Variants in SLC35F3 observed in about 807,000 individuals in gnomAD.
The protein encoded by SLC35F3 is solute carrier family 35 member F3.
In SLC35F3, 25 loss-of-function variants were observed where a neutral mutation model predicts 49.9. That is an observed-to-expected ratio of 0.50 (90% CI 0.37 to 0.70). SLC35F3 has a LOEUF of 0.70. Among genes scored for constraint, SLC35F3 ranks in the 30% least tolerant of loss-of-function variants. The probability of loss-of-function intolerance (pLI) is 0.00; values close to 1 mark genes in which losing one functional copy is unlikely to be tolerated. For missense variants in SLC35F3, 525 were observed against 639.8 expected (o/e 0.82, Z 1.94); for synonymous variants, 275 against 265.4 (o/e 1.04, Z -0.35).
chr1:234,098,754 T>C (rs1382536573), intron 2 of SLC35F3, among the ~76,000 whole-genome samples: 1 of 149,414 alleles, frequency 6.7e-6, no homozygotes, highest in Non-Finnish European at 1.5e-5. Flanking sequence ...AGGGTGATGG[T>C]GGTGACTGTG....
At chr1:234,049,805 G>A (rs1199844265) in intron 2 of SLC35F3, among the ~76,000 whole-genome samples, 2 of 151,876 alleles carry the variant, frequency 1.3e-5, no homozygotes, top group Non-Finnish European at 2.9e-5. Flanking sequence ...ACCCCACGAC[G>A]GGCCCCGGTG....
chr1:233,976,767 C>T (rs1008791152), intron 2 of SLC35F3, among the ~76,000 whole-genome samples: 11 of 151,738 alleles, frequency 7.2e-5, no homozygotes, highest in African/African-American at 9.7e-5. Flanking sequence ...TCTGCCACCA[C>T]GCCCAGCTAA....
intron 2 of SLC35F3, among the ~76,000 whole-genome samples, chr1:234,172,632 C>T (rs1177993462): frequency 1.3e-5 from 2 of 152,214 alleles, no homozygotes; most frequent in African/African-American, 2.4e-5. Context: ...ATAGCGAGCA[C>T]TCACAAACCT....
chr1:233,994,668 G>T (rs1449317420), intron 2 of SLC35F3, among the ~76,000 whole-genome samples: 1 of 152,150 alleles, frequency 6.6e-6, no homozygotes, highest in Non-Finnish European at 1.5e-5. Flanking sequence ...TACATCTAGA[G>T]AGGTTTCCTG....
At chr1:233,915,065 TCAAA>T (rs1441723565) in intron 2 of SLC35F3, among the ~76,000 whole-genome samples, 1 of 152,228 alleles carries the variant, frequency 6.6e-6, no homozygotes, top group Non-Finnish European at 1.5e-5. Flanking sequence ...TTTGAACTCC[TCAAA>T]CAGAGATATT....
intron 2 of SLC35F3, among the ~76,000 whole-genome samples, chr1:234,003,458 G>A (rs1401799523): frequency 6.6e-6 from 1 of 152,064 alleles, no homozygotes; most frequent in Non-Finnish European, 1.5e-5. Context: ...TGCCCCATGG[G>A]TGAGCCATAC....
intron 2 of SLC35F3, among the ~76,000 whole-genome samples, chr1:234,012,090 G>A (rs752195448): frequency 6.6e-5 from 10 of 152,204 alleles, no homozygotes; most frequent in Non-Finnish European, 1.3e-4. Context: ...AAAAGAATCT[G>A]TGTCATAATT....
At chr1:233,987,090 C>T (rs933013921) in intron 2 of SLC35F3, among the ~76,000 whole-genome samples, 1 of 152,006 alleles carries the variant, frequency 6.6e-6, no homozygotes, top group African/African-American at 2.4e-5. Context: ...AGTTTGAGAC[C>T]AGCCTGGCCA....
intron 2 of SLC35F3, among the ~76,000 whole-genome samples, chr1:234,230,966 C>T (rs904789994): frequency 2.0e-5 from 3 of 152,184 alleles, no homozygotes; most frequent in Non-Finnish European, 4.4e-5. Flanking sequence ...TCTCCAGCCC[C>T]CAGTACTGCC....
rs185723760 is a variant in SLC35F3 at position 234,009,842 on chromosome 1, G to A, written c.283+104084G>A. 4.3e-3 allele frequency among the ~76,000 whole-genome samples: 658 copies of A among 152,256 alleles called. 5 individuals are homozygous for A. Among genetic ancestry groups the A allele is most frequent in the African/African-American group, 0.015 (643 of 41,550 alleles). On this transcript the variant is annotated intron_variant, in intron 2 of 7. Transcript: ENST00000366618. ...CCTTCTGGCCAAGAGAGAGTGGGAT[G>A]TTATACTCAAAGTGCTGAGGGAATA...
intron 2 of SLC35F3, among the ~76,000 whole-genome samples, chr1:234,107,504 G>T (rs1452511647): frequency 1.3e-5 from 2 of 152,192 alleles, no homozygotes; most frequent in African/African-American, 4.8e-5. Context: ...ATTGGCACCA[G>T]TAATTTAATC....
At chr1:234,021,438 A>G (rs1663894609) in intron 2 of SLC35F3, among the ~76,000 whole-genome samples, 1 of 152,212 alleles carries the variant, frequency 6.6e-6, no homozygotes, top group Admixed American at 6.5e-5. Context: ...AGTTTTCCCA[A>G]TGGCCCTACC....
chr1:234,122,842 C>A (rs925160426), intron 2 of SLC35F3, among the ~76,000 whole-genome samples: 10 of 152,186 alleles, frequency 6.6e-5, no homozygotes, highest in African/African-American at 2.4e-4. Flanking sequence ...TGTATACATG[C>A]CACGTTTTCT....
intron 2 of SLC35F3, among the ~76,000 whole-genome samples, chr1:234,009,553 G>A (rs1453278885): frequency 6.6e-6 from 1 of 152,102 alleles, no homozygotes; most frequent in African/African-American, 2.4e-5. Context: ...TCTATCTCAG[G>A]GGGTTATAAT....
At chr1:234,107,336 A>T (rs1291126642) in intron 2 of SLC35F3, among the ~76,000 whole-genome samples, 1 of 152,250 alleles carries the variant, frequency 6.6e-6, no homozygotes, top group African/African-American at 2.4e-5. Flanking sequence ...GTGTGGCTGT[A>T]TAATCCCATA....
At chr1:234,145,754 C>T (rs9435568) in intron 2 of SLC35F3, among the ~76,000 whole-genome samples, 28,457 of 152,034 alleles carry the variant, frequency 0.19, 4,147 homozygotes, top group East Asian at 0.75. Context: ...CATTTTATAC[C>T]GGGGCTAGAG....
intron 2 of SLC35F3, among the ~76,000 whole-genome samples, chr1:234,094,576 A>C (rs916136780): frequency 4.6e-5 from 7 of 152,212 alleles, no homozygotes; most frequent in African/African-American, 1.7e-4. Flanking sequence ...TTGATGGGCC[A>C]TTATTAGGTT....
chr1:234,037,620 G>C (rs954775229), intron 2 of SLC35F3, among the ~76,000 whole-genome samples: 2 of 152,228 alleles, frequency 1.3e-5, no homozygotes, highest in African/African-American at 4.8e-5. Flanking sequence ...ACGTCAGGTA[G>C]GTATGGAAGA....
intron 4 of SLC35F3, among the ~76,000 whole-genome samples, chr1:234,314,160 C>T (rs182700300): frequency 6.6e-6 from 1 of 152,276 alleles, no homozygotes; most frequent in Admixed American, 6.5e-5. Flanking sequence ...TCAGAGTCCC[C>T]CGCCTGCCTG....
Sources: allele counts gnomAD v4.1 joint callset (sites outside exome capture counted in the v4.1 genomes callset), GRCh38; gene constraint gnomAD v4.1.1; transcripts MANE v1.5; gene names NCBI Gene and HGNC (gene_info 2026-07-23, HGNC 2026-07-21).